DNAJC4: variants seen among roughly 807,000 people sequenced by gnomAD.
DNAJC4 encodes DnaJ heat shock protein family (Hsp40) member C4.
DNAJC4 carries 26 observed loss-of-function variants against 26.8 expected under a neutral mutation model. That is an observed-to-expected ratio of 0.97 (90% confidence interval 0.71 to 1.34). The LOEUF (loss-of-function observed/expected upper bound fraction) is 1.34, where lower values mean the gene tolerates loss of function less well. Among genes scored for constraint, DNAJC4 ranks in the 40% most tolerant of loss-of-function variants. The pLI, the probability that DNAJC4 is intolerant of heterozygous loss-of-function variation, is 0.00. For synonymous variants in DNAJC4, 134 were observed against 127.8 expected (o/e 1.05, Z -0.33); for missense variants, 342 against 321.1 (o/e 1.07, Z -0.50).
At chr11:64,231,743 C>T in intron 1 of DNAJC4, 128 bp from the exon 2 acceptor site, 1 of 747,020 alleles carries the variant, frequency 1.3e-6, no homozygotes, top group East Asian at 2.6e-5. Flanking sequence ...GGAGACAGAT[C>T]TGTCCTGGGA....
chr11:64,230,682 C>A lies in DNAJC4; in HGVS notation c.-173C>A. 1.2e-6 allele frequency: 1 copy of A among 858,018 alleles called. No individual in the cohort carries two copies. The highest frequency in any genetic ancestry group is 1.8e-6 in the Non-Finnish European group (1 of 550,558). The allele number at this position is 858,018 out of a possible 1,614,324, so 53.2% of individuals were successfully genotyped here. A position where few individuals can be genotyped will look rare whatever the true frequency, so the allele number is the denominator to read the frequency against. Reference sequence around the variant, plus strand: ...TCAGAGGAAGGGGCAGGTCCAAGGACACGCGGGTCTGGTCCTGGGCAAGAA... The same window carrying A: ...TCAGAGGAAGGGGCAGGTCCAAGGAAACGCGGGTCTGGTCCTGGGCAAGAA... On this transcript the variant is annotated 5_prime_UTR_variant, in exon 1 of 6. Coordinates refer to ENST00000628077, the MANE Select transcript of DNAJC4 (RefSeq NM_005528.4).
In DNAJC4 at chr11:64,233,971, C is replaced by T. The variant is rs1415187121; in HGVS notation, c.605C>T (p.Ala202Val). 2.5e-6 allele frequency: 4 copies of T among 1,613,980 alleles called. No homozygotes were observed. In the African/African-American group the frequency reaches 4.0e-5, roughly 16 times the overall value. Residue 202 changes from alanine (A) to valine (V), a missense_variant, in exon 5 of 6, where the codon GCA (alanine) becomes GTA (valine). Ala to Val is a moderately conservative substitution (Grantham distance 64). Coordinates refer to ENST00000628077, the MANE Select transcript of DNAJC4 (RefSeq NM_005528.4). ...IITAFYNEAR[A>V]RARANRGILQ... ...ACAGCCTTCTACAACGAAGCCCGGG[C>T]ACGGGCCAGGTCTGTCCCTGCTCTA... is the stretch of plus-strand genomic sequence containing the variant.
rs918255786 is a variant in DNAJC4, at chr11:64,232,067, A to AT, written c.180+109dup. On this transcript the variant is annotated intron_variant, in intron 2 of 5. Transcript: ENST00000628077. ...GACCAGCATCTCTGGCGGGTGCCAC[A>AT]TTTTTTCAGCCCTCATAGGGAGTGG... 2.7e-5 allele frequency: 33 copies of AT among 1,217,786 alleles called. No homozygotes were observed. The African/African-American group carries it at 2.8e-4, about 10-fold the overall frequency. The allele number at this position is 1,217,786 out of a possible 1,614,324, so 75.4% of individuals were successfully genotyped here.
chr11:64,231,818 A>G, intron 1 of DNAJC4, 53 bp from the exon 2 acceptor site: 1 of 1,566,408 alleles, frequency 6.4e-7, no homozygotes, highest in Non-Finnish European at 8.8e-7. Context: ...GGCAGGGCAG[A>G]GCTAGCTTCT....
At chr11:64,233,664 C>A in intron 4 of DNAJC4, 1 of 594,682 alleles carries the variant, frequency 1.7e-6, no homozygotes, top group South Asian at 2.1e-5. Flanking sequence ...CCCCCATGTC[C>A]ACAGCTGCTG....
Position 64,231,870 on chromosome 11 carries a change from G to A in DNAJC4, c.87-1G>A, listed in dbSNP as rs1370980070. The A allele has an allele frequency of 4.3e-6, 7 of 1,613,944 alleles. No homozygotes were observed. Among genetic ancestry groups the A allele is most frequent in the Non-Finnish European group, 5.1e-6 (6 of 1,179,986 alleles). Reference sequence around the variant, plus strand: ...TGCAAGGTTTGGGACTCTGTCCACAGGTCCAGACCCAGTACTTATTATGAA... The same window carrying A: ...TGCAAGGTTTGGGACTCTGTCCACAAGTCCAGACCCAGTACTTATTATGAA... On this transcript the variant is annotated splice_acceptor_variant, in intron 1 of 5. Transcript: ENST00000628077. LOFTEE classifies it high-confidence loss of function.
chr11:64,233,842 C>G (rs1407329022), intron 4 of DNAJC4, 52 bp from the exon 5 acceptor site: 14 of 1,596,860 alleles, frequency 8.8e-6, no homozygotes, highest in Non-Finnish European at 1.2e-5. Context: ...GGGGGCAGGA[C>G]TTCAGGGACA....
Position 64,234,009 on chromosome 11 carries a change from C to CTCCCTGT in DNAJC4, c.614+30_614+36dup. ...TGTCCCTGCTCTATTCTGCTCCCTG[C>CTCCCTGT]TCCCTGTCCAGGAACCACACTTCGG... On this transcript the variant is annotated intron_variant, in intron 5 of 5. Transcript: ENST00000628077. The surrounding 1 kb of genome is among the most constrained non-coding windows in gnomAD (Gnocchi z 5.3). The CTCCCTGT allele has an allele frequency of 6.2e-7, 1 of 1,614,062 alleles. No individual in the cohort carries two copies. Among genetic ancestry groups the CTCCCTGT allele is most frequent in the South Asian group, 1.1e-5 (1 of 91,088 alleles).
chr11:64,230,932 C>A lies in DNAJC4; in HGVS notation c.78C>A (p.Ala26=). 6.4e-7 allele frequency: 1 copy of A among 1,556,518 alleles called. No individual in the cohort carries two copies. The highest frequency in any genetic ancestry group is 1.2e-5 in the South Asian group (1 of 85,738). Residue 26 remains alanine (A), a synonymous_variant, in exon 1 of 6, where the codon GCC becomes GCA. Coordinates refer to ENST00000628077, the MANE Select transcript of DNAJC4 (RefSeq NM_005528.4). The stretch of plus-strand genomic sequence containing the variant: ...CCTCCCGGCTCCTCGGAGCGGCCGC[C>A]GGGCAGCGGTGAGTTGGGCGCGGGG... The part of the protein sequence containing the change: ...NPPSRLLGAA[A]GQRSRPSTYY...
chr11:64,232,606 A>G lies in DNAJC4; in HGVS notation c.357A>G (p.Gln119=), dbSNP rs529657121. The change falls in exon 3 of 6, where the codon CAA becomes CAG. Residue 119 remains glutamine, a synonymous_variant. Transcript: ENST00000628077. ...CAGTCCATGACAAGTCTGCCCACCA[A>G]ACACACAGGTACAGTAATCCTGCCC... ...RTTVHDKSAH[Q]THSSWTPPNA... 3.1e-4 allele frequency: 497 copies of G among 1,597,582 alleles called. 6 individuals carry two copies. The South Asian group carries it at 5.3e-3, about 17-fold the overall frequency.
rs1460529524 is a variant in DNAJC4 at position 64,230,916 on chromosome 11, T to A, written c.62T>A (p.Leu21His). 4 of 1,577,698 alleles carry A rather than the reference T, an allele frequency of 2.5e-6. No individual in the cohort carries two copies. The South Asian group carries it at 4.6e-5, about 18-fold the overall frequency. Residue 21 changes from leucine to histidine, a missense_variant, in exon 1 of 6, where the codon CTC (leucine) becomes CAC (histidine). Leu to His is a moderately conservative substitution (Grantham distance 99). Transcript: ENST00000628077. ...TGGCCCCGCAACCCTCCCTCCCGGC[T>A]CCTCGGAGCGGCCGCCGGGCAGCGG... ...RLWPRNPPSR[L>H]LGAAAGQRSR...
intron 4 of DNAJC4, 54 bp from the exon 5 acceptor site, chr11:64,233,840 G>T (rs956955850): frequency 1.3e-6 from 2 of 1,594,724 alleles, no homozygotes; most frequent in South Asian, 1.1e-5. Context: ...AAGGGGGCAG[G>T]ACTTCAGGGA....
At position 64,230,703 on chromosome 11, in the gene DNAJC4, A is replaced by C; in HGVS notation, c.-152A>C. ...AGGACACGCGGGTCTGGTCCTGGGC[A>C]AGAACCGCCCCCTCTCCGGGCCTGC... On this transcript the variant is annotated 5_prime_UTR_variant, in exon 1 of 6. Coordinates refer to ENST00000628077, the MANE Select transcript of DNAJC4 (RefSeq NM_005528.4). 1 of 1,089,290 alleles carries C rather than the reference A, an allele frequency of 9.2e-7. No individual in the cohort carries two copies. Among genetic ancestry groups the C allele is most frequent in the South Asian group, 1.4e-5 (1 of 70,500 alleles). The allele number at this position is 1,089,290 out of a possible 1,614,324, so 67.5% of individuals were successfully genotyped here.
rs758101706 is a variant in DNAJC4 at position 64,230,765 on chromosome 11, T to C, written c.-90T>C. On this transcript the variant is annotated 5_prime_UTR_variant, in exon 1 of 6. Coordinates refer to ENST00000628077, the MANE Select transcript of DNAJC4 (RefSeq NM_005528.4). The stretch of plus-strand genomic sequence containing the variant: ...TTTGCAGAACAACGGGCCAGGCCCC[T>C]TCCCTCTGCCCCCGGGTGCTTGAAG... 2.5e-5 allele frequency: 37 copies of C among 1,506,088 alleles called. No individual in the cohort carries two copies. The Admixed American group carries it at 3.5e-4, about 14-fold the overall frequency. The allele number at this position is 1,506,088 out of a possible 1,614,324, so 93.3% of individuals were successfully genotyped here.
intron 4 of DNAJC4, 147 bp from the exon 5 acceptor site, chr11:64,233,747 C>A (rs1410817224): frequency 1.8e-6 from 2 of 1,107,436 alleles, no homozygotes; most frequent in South Asian, 3.1e-5. Flanking sequence ...CTGAGCCCTC[C>A]CTATCTATCA....
chr11:64,231,988 AG>A, intron 2 of DNAJC4, 24 bp downstream of exon 2: 2 of 1,611,790 alleles, frequency 1.2e-6, no homozygotes, highest in Non-Finnish European at 1.7e-6. Flanking sequence ...TGAGGTGGGG[AG>A]GGGGAGCAGG....
rs939590464 is a variant in DNAJC4, at chr11:64,230,653, C to G, written c.-202C>G. 1 of 713,002 alleles carries G rather than the reference C, an allele frequency of 1.4e-6. No homozygotes were observed. Among genetic ancestry groups the G allele is most frequent in the South Asian group, 1.8e-5 (1 of 56,402 alleles). 44.2% of individuals were successfully genotyped at this position (713,002 alleles called of 1,614,324 possible). ...AGCGCTGGGAAGGGCTGCGGATGCC[C>G]GGGTCAGAGGAAGGGGCAGGTCCAA... On this transcript the variant is annotated 5_prime_UTR_variant, in exon 1 of 6. Coordinates refer to ENST00000628077, the MANE Select transcript of DNAJC4 (RefSeq NM_005528.4).
intron 4 of DNAJC4, 91 bp downstream of exon 4, chr11:64,232,956 G>A (rs1224362878): frequency 2.8e-5 from 39 of 1,410,594 alleles, no homozygotes; most frequent in Non-Finnish European, 3.6e-5. Flanking sequence ...GCACCTCGTG[G>A]CCCGTACTCT....
Position 64,234,194 on chromosome 11 carries a change from C to A in DNAJC4, c.*10C>A. ...GGGCGCCGGCCCCTGAGGGGCTCAC[C>A]TGGATGGGGCCTGCAGTGCGTTCCC... On this transcript the variant is annotated 3_prime_UTR_variant, in exon 6 of 6. Transcript: ENST00000628077. This position sits in a 1 kb window ranked among gnomAD's most constrained non-coding sequence, Gnocchi z 5.3. 2 of 1,547,596 alleles carry A rather than the reference C, an allele frequency of 1.3e-6. No homozygotes were observed. Among genetic ancestry groups the A allele is most frequent in the East Asian group, 2.4e-5 (1 of 41,928 alleles).
Sources: gnomAD v4.1 joint callset for allele counts on GRCh38, gnomAD v4.1.1 for gene constraint, Gnocchi (gnomAD v3.1) non-coding constraint, MANE v1.5 for transcripts, NCBI Gene and HGNC (gene_info 2026-07-23, HGNC 2026-07-21) for gene names.